The following TRHDE variants were observed in gnomAD, a reference collection of about 807,000 sequenced individuals.
TRHDE encodes thyrotropin-releasing hormone-degrading ectoenzyme.
A neutral mutation model predicts 125.7 loss-of-function variants in TRHDE; 72 were observed. The ratio of observed to expected loss-of-function variants is 0.57; its 90% CI spans 0.47 to 0.70. TRHDE has a LOEUF of 0.70. Ranked by LOEUF, TRHDE falls within the 30% of genes least tolerant of loss-of-function variation. The pLI is 0.00. For synonymous variants in TRHDE, 509 were observed against 509.1 expected (o/e 1.00, Z 0.00); for missense variants, 1,110 against 1,327.1 (o/e 0.84, Z 2.54).
intron 2 of TRHDE, among the ~76,000 whole-genome samples, chr12:72,150,080 G>T (rs1258340468): frequency 6.6e-6 from 1 of 152,170 alleles, no homozygotes; most frequent in African/African-American, 2.4e-5. Context: ...TGAGGTAGTA[G>T]TGAATAAGAC....
At chr12:72,327,810 G>T (rs1869409554) in intron 2 of TRHDE, among the ~76,000 whole-genome samples, 1 of 150,918 alleles carries the variant, frequency 6.6e-6, no homozygotes, top group African/African-American at 2.4e-5. Context: ...TTACATATCA[G>T]ACTGTAAATG....
At chr12:72,334,549 A>C (rs1190818074) in intron 2 of TRHDE, among the ~76,000 whole-genome samples, 1 of 152,224 alleles carries the variant, frequency 6.6e-6, no homozygotes, top group African/African-American at 2.4e-5. Context: ...AGACGGCCTG[A>C]TGCCCAGCTG....
At chr12:72,556,746 C>A (rs946012050) in intron 7 of TRHDE, among the ~76,000 whole-genome samples, 2 of 152,188 alleles carry the variant, frequency 1.3e-5, no homozygotes, top group African/African-American at 2.4e-5. Flanking sequence ...GACAAATGCA[C>A]ACTACAAATT....
At chr12:72,100,818 C>T (rs765984387) in intron 1 of TRHDE, among the ~76,000 whole-genome samples, 1 of 152,114 alleles carries the variant, frequency 6.6e-6, no homozygotes, top group Admixed American at 6.5e-5. Flanking sequence ...TCATTGACCC[C>T]CTCACATATA....
intron 6 of TRHDE, among the ~76,000 whole-genome samples, chr12:72,518,763 T>A (rs1304825892): frequency 2.0e-5 from 3 of 152,250 alleles, no homozygotes; most frequent in East Asian, 1.9e-4. Context: ...CATTTTGGCA[T>A]GATTTTGCAG....
At chr12:72,309,984 G>A (rs1031936120) in intron 2 of TRHDE, among the ~76,000 whole-genome samples, 8 of 152,160 alleles carry the variant, frequency 5.3e-5, no homozygotes, top group Non-Finnish European at 8.8e-5. Context: ...CTATTTTGTT[G>A]CTTGTTAATG....
Position 72,653,199 on chromosome 12 carries a change from A to G in TRHDE, c.2984+43A>G, listed in dbSNP as rs200294414. 2.6e-5 allele frequency: 40 copies of G among 1,548,864 alleles called. No homozygotes were observed. In the East Asian group the frequency reaches 8.6e-4, roughly 33 times the overall value. ...TACTTGAATGAGTAAATTAAAGCCG[A>G]CATAGGAGGAATAAAGGCCCAAGTT... On this transcript the variant is annotated intron_variant, in intron 17 of 18. Transcript: ENST00000261180.
chr12:72,418,439 G>A (rs912926738), intron 3 of TRHDE, among the ~76,000 whole-genome samples: 2 of 152,076 alleles, frequency 1.3e-5, no homozygotes, highest in African/African-American at 4.8e-5. Flanking sequence ...GACATGCAAT[G>A]CAAAATTATT....
At chr12:72,560,089 G>A (rs1870107145) in intron 7 of TRHDE, among the ~76,000 whole-genome samples, 2 of 150,310 alleles carry the variant, frequency 1.3e-5, no homozygotes, top group Non-Finnish European at 1.5e-5. Context: ...CTTAATTCAA[G>A]CTGTAAGTTT....
intron 2 of TRHDE, among the ~76,000 whole-genome samples, chr12:72,206,049 C>G (rs1351230562): frequency 6.6e-6 from 1 of 150,860 alleles, no homozygotes; most frequent in African/African-American, 2.4e-5. Context: ...GCCATCCTAA[C>G]AGGTGTGGCA....
chr12:72,409,722 G>A (rs1873415006), intron 3 of TRHDE, among the ~76,000 whole-genome samples: 1 of 152,094 alleles, frequency 6.6e-6, no homozygotes, highest in Admixed American at 6.6e-5. Context: ...TTAGGCTGAA[G>A]GAAAATGATC....
intron 18 of TRHDE, among the ~76,000 whole-genome samples, chr12:72,658,314 A>C (rs752475450): frequency 5.3e-4 from 80 of 152,328 alleles, no homozygotes; most frequent in Admixed American, 3.9e-4. Flanking sequence ...AGTACTTTTA[A>C]TTTCATGATT....
intron 2 of TRHDE, among the ~76,000 whole-genome samples, chr12:72,118,798 A>G (rs926244322): frequency 1.3e-5 from 2 of 152,014 alleles, no homozygotes; most frequent in Non-Finnish European, 2.9e-5. Flanking sequence ...GTGTCTAGAA[A>G]TCCATTTCTT....
chr12:72,366,847 C>A (rs559098842), intron 2 of TRHDE, among the ~76,000 whole-genome samples: 15 of 151,936 alleles, frequency 9.9e-5, no homozygotes, highest in African/African-American at 3.4e-4. Flanking sequence ...CTTGGATTTG[C>A]CTTATAACAG....
At chr12:72,103,871 G>GTC (rs1266153041) in intron 1 of TRHDE, among the ~76,000 whole-genome samples, 4 of 152,140 alleles carry the variant, frequency 2.6e-5, no homozygotes, top group African/African-American at 4.8e-5. Flanking sequence ...CCGCTCCTGT[G>GTC]TCTCAGCATT....
At chr12:72,562,326 GT>G in intron 8 of TRHDE, 96 bp downstream of exon 8, 1 of 559,894 alleles carries the variant, frequency 1.8e-6, no homozygotes, top group South Asian at 3.1e-5. Flanking sequence ...CTGATAGTTT[GT>G]TTTTACTTTT....
intron 2 of TRHDE, among the ~76,000 whole-genome samples, chr12:72,120,428 TA>T (rs1480402654): frequency 1.3e-5 from 2 of 152,060 alleles, no homozygotes; most frequent in African/African-American, 4.8e-5. Flanking sequence ...TGTCTTCCTT[TA>T]ATTTGATCAC....
chr12:72,429,500 G>A (rs943662061), intron 3 of TRHDE, among the ~76,000 whole-genome samples: 7 of 151,928 alleles, frequency 4.6e-5, no homozygotes, highest in African/African-American at 1.7e-4. Flanking sequence ...TCATGTACGT[G>A]TTATTCTGTG....
intron 3 of TRHDE, among the ~76,000 whole-genome samples, chr12:72,399,391 A>G (rs1872941221): frequency 1.3e-5 from 2 of 152,190 alleles, no homozygotes; most frequent in African/African-American, 4.8e-5. Context: ...TTATCCAGCA[A>G]GTGGGTCATT....
Sources: allele counts gnomAD v4.1 joint callset (sites outside exome capture counted in the v4.1 genomes callset), GRCh38; gene constraint gnomAD v4.1.1; transcripts MANE v1.5; gene names NCBI Gene and HGNC (gene_info 2026-07-23, HGNC 2026-07-21).